The following MYO3A variants were observed in gnomAD, a reference collection of about 807,000 sequenced individuals.
MYO3A encodes myosin-IIIa.
In MYO3A, 180 loss-of-function variants were observed where a neutral mutation model predicts 192.7. The observed-to-expected ratio is 0.93, with a 90% CI of 0.83 to 1.06. MYO3A has a LOEUF of 1.06. Among genes scored for constraint, MYO3A ranks in the 50% least tolerant of loss-of-function variants. The pLI is 0.00. For missense variants in MYO3A, 1,896 were observed against 1,905.0 expected (o/e 1.00, Z 0.09); for synonymous variants, 628 against 645.3 (o/e 0.97, Z 0.41).
intron 4 of MYO3A, among the ~76,000 whole-genome samples, chr10:25,987,408 A>C (rs1287593365): frequency 6.6e-6 from 1 of 152,242 alleles, no homozygotes; most frequent in Non-Finnish European, 1.5e-5. Context: ...AGAAATAATC[A>C]GTAGAGTTAG....
intron 6 of MYO3A, among the ~76,000 whole-genome samples, chr10:26,004,647 C>A (rs577897888): frequency 6.6e-6 from 1 of 152,120 alleles, no homozygotes; most frequent in Admixed American, 6.6e-5. Flanking sequence ...GACCCTGGAA[C>A]TTACTGTGCC....
At chr10:26,146,381 G>A (rs536347084) in intron 22 of MYO3A, among the ~76,000 whole-genome samples, 14 of 152,260 alleles carry the variant, frequency 9.2e-5, no homozygotes, top group African/African-American at 3.1e-4. Context: ...TAGTCTGCTC[G>A]GGCTGCCATA....
At position 26,147,424 on chromosome 10, in the gene MYO3A, C is replaced by T. The variant is rs1218069273; in HGVS notation, c.2506-6C>T. On this transcript the variant is annotated splice_region_variant and splice_polypyrimidine_tract_variant and intron_variant, in intron 22 of 34. Coordinates refer to ENST00000642920, the MANE Select transcript of MYO3A (RefSeq NM_017433.5). ...TTGTGATAATTATAGCATACTGTAT[C>T]AACAGGTCCTCTATAATGCAAGTGG... 6.2e-7 allele frequency: 1 copy of T among 1,610,040 alleles called. No individual in the cohort carries two copies. Among genetic ancestry groups the T allele is most frequent in the African/African-American group, 1.3e-5 (1 of 74,810 alleles).
intron 10 of MYO3A, among the ~76,000 whole-genome samples, chr10:26,048,076 G>A (rs974554884): frequency 2.6e-5 from 4 of 152,136 alleles, no homozygotes; most frequent in Non-Finnish European, 5.9e-5. Context: ...CTTTAGCAAT[G>A]ACAGATAAGG....
At chr10:26,001,952 A>G (rs1301564763) in intron 6 of MYO3A, among the ~76,000 whole-genome samples, 1 of 152,218 alleles carries the variant, frequency 6.6e-6, no homozygotes, top group Non-Finnish European at 1.5e-5. Context: ...GCACCACTGC[A>G]TTCTAGCCTG....
chr10:25,946,451 A>G (rs1836833530), intron 2 of MYO3A, among the ~76,000 whole-genome samples: 2 of 151,386 alleles, frequency 1.3e-5, no homozygotes, highest in Non-Finnish European at 2.9e-5. Context: ...CTGCTGGGAA[A>G]TTCACTGATA....
At chr10:26,091,756 A>T (rs1836714970) in intron 15 of MYO3A, among the ~76,000 whole-genome samples, 1 of 152,244 alleles carries the variant, frequency 6.6e-6, no homozygotes, top group Admixed American at 6.5e-5. Context: ...AGAGAATTTT[A>T]ATAAGTTGCT....
In MYO3A at chr10:26,174,122, A is replaced by G. The variant is rs1264150672; in HGVS notation, c.3858A>G (p.Glu1286=). 6.2e-7 allele frequency: 1 copy of G among 1,614,182 alleles called. No homozygotes were observed. The highest frequency in any genetic ancestry group is 1.3e-5 in the African/African-American group (1 of 75,038). ...ENETSFKKTL[E]PTLSQRSIYQ... ...AGACTTCCTTTAAAAAAACTTTGGA[A>G]CCTACACTTAGCCAAAGGTCAATTT... The change falls in exon 30 of 35, where the codon GAA becomes GAG. Residue 1286 remains glutamate (E), a synonymous_variant. Transcript: ENST00000642920.
chr10:26,203,572 G>A (rs1316818191), intron 34 of MYO3A, among the ~76,000 whole-genome samples: 1 of 152,070 alleles, frequency 6.6e-6, no homozygotes, highest in Non-Finnish European at 1.5e-5. Flanking sequence ...GCATATTTTG[G>A]ACTTGAATTC....
At chr10:26,058,595 A>G (rs1004209247) in intron 10 of MYO3A, among the ~76,000 whole-genome samples, 5 of 152,222 alleles carry the variant, frequency 3.3e-5, no homozygotes, top group Non-Finnish European at 7.3e-5. Flanking sequence ...CCCACCAGCA[A>G]TGAATGATTG....
intron 10 of MYO3A, among the ~76,000 whole-genome samples, chr10:26,063,831 A>C (rs1423417829): frequency 6.6e-6 from 1 of 152,236 alleles, no homozygotes; most frequent in Non-Finnish European, 1.5e-5. Context: ...AGTTAAGCTA[A>C]AGTGTAAAAG....
At chr10:26,211,767 G>A in intron 34 of MYO3A, 76 bp from the exon 35 acceptor site, 6 of 1,578,196 alleles carry the variant, frequency 3.8e-6, no homozygotes, top group Non-Finnish European at 4.3e-6. Flanking sequence ...AAGAGGACCC[G>A]CCTAACTCGG....
intron 26 of MYO3A, among the ~76,000 whole-genome samples, chr10:26,164,868 T>G (rs369254394): frequency 3.3e-5 from 5 of 152,130 alleles, no homozygotes; most frequent in African/African-American, 1.2e-4. Context: ...AGCCAAGAGT[T>G]GATGGACAGG....
intron 2 of MYO3A, among the ~76,000 whole-genome samples, chr10:25,940,831 T>A (rs1467617330): frequency 1.3e-5 from 2 of 152,240 alleles, no homozygotes; most frequent in Non-Finnish European, 2.9e-5. Flanking sequence ...TTCTATCTGG[T>A]TGACTTTAAG....
rs147964693 is a variant in MYO3A, at chr10:26,094,232, G to A, written c.1563-2149G>A. Among the ~76,000 whole-genome samples, 191 of 152,126 alleles carry A rather than the reference G, an allele frequency of 1.3e-3. 3 individuals are homozygous for A. Among genetic ancestry groups the A allele is most frequent in the African/African-American group, 4.2e-3 (176 of 41,502 alleles). On this transcript the variant is annotated intron_variant, in intron 15 of 34. Transcript: ENST00000642920. ...ACTGATGTGTTGGAGTCCTTATTGA[G>A]CTTCTGTAAAAAATTATTCTTGTGA...
intron 18 of MYO3A, among the ~76,000 whole-genome samples, chr10:26,123,947 C>T (rs1839032413): frequency 6.8e-6 from 1 of 147,802 alleles, no homozygotes; most frequent in South Asian, 2.2e-4. Flanking sequence ...AAAAAACAAA[C>T]AAACAAAAAA....
intron 17 of MYO3A, among the ~76,000 whole-genome samples, chr10:26,100,731 T>C (rs576799312): frequency 5.3e-5 from 8 of 152,348 alleles, no homozygotes; most frequent in Non-Finnish European, 1.0e-4. Flanking sequence ...AATCCTGAGT[T>C]CTAGTTTGAT....
chr10:26,168,297 A>G (rs961872359), intron 27 of MYO3A, among the ~76,000 whole-genome samples: 1 of 152,226 alleles, frequency 6.6e-6, no homozygotes, highest in African/African-American at 2.4e-5. Flanking sequence ...TAACGGAACT[A>G]TAATTCTGTC....
At chr10:26,064,629 G>C (rs1454798504) in intron 10 of MYO3A, among the ~76,000 whole-genome samples, 2 of 152,098 alleles carry the variant, frequency 1.3e-5, no homozygotes, top group African/African-American at 4.8e-5. Context: ...CAAACCTCTT[G>C]GGAGGCTGTT....
Sources: gnomAD v4.1 joint callset for allele counts (sites outside exome capture counted in the v4.1 genomes callset) on GRCh38, gnomAD v4.1.1 for gene constraint, MANE v1.5 for transcripts, NCBI Gene and HGNC (gene_info 2026-07-23, HGNC 2026-07-21) for gene names.